FAM13A: variants seen among roughly 807,000 people sequenced by gnomAD.
FAM13A encodes protein FAM13A.
A neutral mutation model predicts 129.6 loss-of-function variants in FAM13A; 76 were observed. The ratio of observed to expected loss-of-function variants is 0.59; its 90% CI spans 0.49 to 0.71. The LOEUF is 0.71. Among genes scored for constraint, FAM13A ranks in the 30% least tolerant of loss-of-function variants. The pLI is 0.00. For synonymous variants in FAM13A, 443 were observed against 449.9 expected (o/e 0.98, Z 0.20); for missense variants, 1,108 against 1,249.3 (o/e 0.89, Z 1.70).
rs549653522 is a variant in FAM13A at position 88,749,429 on chromosome 4, G to A, written c.2079+342C>T. Among the ~76,000 whole-genome samples the A allele has an allele frequency of 1.1e-4, 16 of 152,308 alleles. 1 individual carries two copies. The highest frequency in any genetic ancestry group is 3.6e-4 in the African/African-American group (15 of 41,556). Reference sequence around the variant, plus strand: ...TGTGGTACAGAGCTGACAGCAGAACGAGCTCAGTGCTAACAAGATTTCAGA... The same window carrying A: ...TGTGGTACAGAGCTGACAGCAGAACAAGCTCAGTGCTAACAAGATTTCAGA... On this transcript the variant is annotated intron_variant, in intron 16 of 23. Coordinates refer to ENST00000264344, the MANE Select transcript of FAM13A (RefSeq NM_014883.4).
At position 88,755,135 on chromosome 4, in the gene FAM13A, G is replaced by A. The variant is rs568412560; in HGVS notation, c.1726+3619C>T. Among the ~76,000 whole-genome samples the A allele has an allele frequency of 1.2e-4, 18 of 152,250 alleles. No homozygotes were observed. In the East Asian group the frequency reaches 1.5e-3, roughly 13 times the overall value. On this transcript the variant is annotated intron_variant, in intron 14 of 23. Transcript: ENST00000264344. ...AATATCAAAGAAAGAAAGGAGGTTG[G>A]TGTGACATGGTTAATCCTTAATAAA...
chr4:88,935,144 C>T (rs1474099029), intron 5 of FAM13A, among the ~76,000 whole-genome samples: 1 of 152,202 alleles, frequency 6.6e-6, no homozygotes, highest in African/African-American at 2.4e-5. Context: ...AATTTTGCAG[C>T]TACTGACCAG....
At chr4:88,797,103 T>A (rs989504737) in intron 8 of FAM13A, among the ~76,000 whole-genome samples, 15 of 152,152 alleles carry the variant, frequency 9.9e-5, no homozygotes, top group African/African-American at 3.6e-4. Context: ...ATGCTTATAA[T>A]CAGATCTCTA....
intron 13 of FAM13A, chr4:88,759,116 C>G: frequency 2.1e-6 from 1 of 479,206 alleles, no homozygotes; most frequent in Non-Finnish European, 3.8e-6. Context: ...TAACTTTCCC[C>G]AGGCTGCTCT....
chr4:89,009,110 T>C (rs1213755618), intron 3 of FAM13A: 1 of 152,174 alleles, frequency 6.6e-6, no homozygotes, highest in Non-Finnish European at 1.5e-5. Flanking sequence ...ACACGATCTC[T>C]GAGACAGATA....
intron 11 of FAM13A, 118 bp from the exon 12 acceptor site, chr4:88,768,177 C>A: frequency 1.8e-6 from 1 of 555,926 alleles, no homozygotes; most frequent in Non-Finnish European, 3.2e-6. Flanking sequence ...AATTCTAGTC[C>A]TCATATTTTT....
intron 6 of FAM13A, among the ~76,000 whole-genome samples, chr4:88,874,824 C>T (rs896719382): frequency 9.8e-5 from 15 of 152,298 alleles, no homozygotes; most frequent in African/African-American, 3.4e-4. Flanking sequence ...AAAGAGCCTG[C>T]ATTGCCAAGA....
At chr4:88,875,395 G>A (rs1742223556) in intron 6 of FAM13A, among the ~76,000 whole-genome samples, 1 of 152,298 alleles carries the variant, frequency 6.6e-6, no homozygotes, top group South Asian at 2.1e-4. Context: ...CTACCCATCT[G>A]ACAAAGGGCT....
At chr4:89,010,078 C>T (rs547785798) in intron 3 of FAM13A, among the ~76,000 whole-genome samples, 17 of 152,086 alleles carry the variant, frequency 1.1e-4, no homozygotes, top group Non-Finnish European at 2.2e-4. Context: ...TTATCCTTGT[C>T]GGCAATGTGT....
At chr4:88,858,830 A>G (rs1738995628) in intron 6 of FAM13A, among the ~76,000 whole-genome samples, 1 of 152,232 alleles carries the variant, frequency 6.6e-6, no homozygotes, top group Non-Finnish European at 1.5e-5. Context: ...CAACTTTGTA[A>G]ATACATGAAA....
intron 3 of FAM13A, among the ~76,000 whole-genome samples, chr4:89,001,379 GT>G: frequency 6.6e-6 from 1 of 152,204 alleles, no homozygotes; most frequent in South Asian, 2.1e-4. Context: ...TTTGCTTTGG[GT>G]TTAAGTCTTT....
intron 7 of FAM13A, among the ~76,000 whole-genome samples, chr4:88,813,926 C>T (rs933620087): frequency 2.6e-5 from 4 of 151,996 alleles, no homozygotes; most frequent in Non-Finnish European, 5.9e-5. Context: ...AATCCATGAT[C>T]GATACACAGG....
intron 7 of FAM13A, chr4:88,823,406 T>C: frequency 3.5e-6 from 3 of 867,670 alleles, no homozygotes; most frequent in Non-Finnish European, 4.2e-6. Context: ...CTCCTCCTGC[T>C]CCTGCTCCTC....
intron 13 of FAM13A, among the ~76,000 whole-genome samples, chr4:88,765,410 T>C (rs1470492441): frequency 6.6e-6 from 1 of 152,186 alleles, no homozygotes; most frequent in Non-Finnish European, 1.5e-5. Context: ...CAATGAGACC[T>C]GAAACAAAAT....
chr4:88,729,565 T>A (rs2149380468), intron 23 of FAM13A: 1 of 152,326 alleles, frequency 6.6e-6, no homozygotes, highest in African/African-American at 2.4e-5. Context: ...TCTAGTGGCT[T>A]CTCAGCAGAG....
chr4:88,966,752 T>C (rs1166973413), intron 4 of FAM13A, among the ~76,000 whole-genome samples: 1 of 152,128 alleles, frequency 6.6e-6, no homozygotes, highest in Non-Finnish European at 1.5e-5. Context: ...CCAAAATAAG[T>C]TCATAAAATT....
intron 6 of FAM13A, among the ~76,000 whole-genome samples, chr4:88,877,607 A>C (rs1205103635): frequency 1.3e-5 from 2 of 152,244 alleles, no homozygotes; most frequent in Non-Finnish European, 2.9e-5. Flanking sequence ...AGAGTAATTA[A>C]TAGTGGCAGA....
intron 8 of FAM13A, among the ~76,000 whole-genome samples, chr4:88,791,399 C>T (rs1725122540): frequency 6.6e-6 from 1 of 152,090 alleles, no homozygotes; most frequent in Admixed American, 6.6e-5. Flanking sequence ...AACTTTCCCC[C>T]TCATGCCTGC....
In FAM13A at chr4:88,737,404, C is replaced by T. The variant is rs1036581130; in HGVS notation, c.2646+68G>A. 6 of 1,331,168 alleles carry T rather than the reference C, an allele frequency of 4.5e-6. No homozygotes were observed. In the African/African-American group the frequency reaches 5.8e-5, roughly 13 times the overall value. The allele number at this position is 1,331,168 out of a possible 1,614,324, so 82.5% of individuals were successfully genotyped here. A position where few individuals can be genotyped will look rare whatever the true frequency, so the allele number is the denominator to read the frequency against. On this transcript the variant is annotated intron_variant, in intron 21 of 23. Transcript: ENST00000264344. ...CCGATCACACCCCCTTTCCATTCAC[C>T]GGAGGGGAGGGGAGGAGGGAGGGAA...
Sources: gnomAD v4.1 joint callset for allele counts (sites outside exome capture counted in the v4.1 genomes callset) on GRCh38, gnomAD v4.1.1 for gene constraint, MANE v1.5 for transcripts, NCBI Gene and HGNC (gene_info 2026-07-23, HGNC 2026-07-21) for gene names.